LIPH: variants seen among roughly 807,000 people sequenced by gnomAD.
The protein encoded by LIPH is lipase H, also known as lipase member H.
In LIPH, 32 loss-of-function variants were observed where a neutral mutation model predicts 47.6. That is an observed-to-expected ratio of 0.67 (90% confidence interval 0.51 to 0.90). The LOEUF (loss-of-function observed/expected upper bound fraction) is 0.90. Ranked by LOEUF, LIPH falls within the 40% of genes least tolerant of loss-of-function variation. The pLI is 0.00. For synonymous variants in LIPH, 190 were observed against 195.6 expected (o/e 0.97, Z 0.24); for missense variants, 497 against 541.4 (o/e 0.92, Z 0.81).
In LIPH at chr3:185,527,571, C is replaced by CT; in HGVS notation, c.540dup (p.Gly181ArgfsTer17). ...TGAGGTTTCCCGTTGAATAAAGGGC[C>CT]TGCAGGGTCGAGGCCTGGAAGGAAA... On this transcript the variant is annotated frameshift_variant, in exon 4 of 10. Transcript: ENST00000296252. 1 of 1,611,424 alleles carries CT rather than the reference C, an allele frequency of 6.2e-7. No homozygotes were observed. The highest frequency in any genetic ancestry group is 8.5e-7 in the Non-Finnish European group (1 of 1,178,898).
rs1193776855 is a variant in LIPH, at chr3:185,529,947, AAAGAAAGAAAGAAAGAAG to A, written c.527-2380_527-2363del. 3.6e-3 allele frequency among the ~76,000 whole-genome samples: 198 copies of A among 54,488 alleles called. 2 individuals are homozygous for A. The highest frequency in any genetic ancestry group is 8.9e-3 in the African/African-American group (181 of 20,356). 35.7% of individuals were successfully genotyped at this position (54,488 alleles called of 152,430 possible). On this transcript the variant is annotated intron_variant, in intron 3 of 9. Transcript: ENST00000296252. ...GAAAGAAAGAAAGAAAGAAAGAAAG[AAAGAAAGAAAGAAAGAAG>A]GAAAGAAAGAAAGAGAGAGAGAGAG...
intron 1 of LIPH, 67 bp from the exon 2 acceptor site, chr3:185,535,199 G>C (rs1194115304): frequency 1.9e-6 from 3 of 1,567,538 alleles, no homozygotes; most frequent in Non-Finnish European, 2.6e-6. Flanking sequence ...CAAGAGTGCT[G>C]TTCTATATTT....
chr3:185,515,223 C>G (rs1279936026), intron 7 of LIPH, among the ~76,000 whole-genome samples: 2 of 151,450 alleles, frequency 1.3e-5, no homozygotes, highest in African/African-American at 2.4e-5. Flanking sequence ...ATTCCCTAAC[C>G]AGCAGACTCA....
chr3:185,537,756 T>C (rs1720547517), intron 1 of LIPH, among the ~76,000 whole-genome samples: 1 of 152,146 alleles, frequency 6.6e-6, no homozygotes, highest in Non-Finnish European at 1.5e-5. Context: ...AATGAGATCA[T>C]ACTTGAGAAG....
At chr3:185,510,106 C>A (rs1049327951) in intron 9 of LIPH, among the ~76,000 whole-genome samples, 3 of 152,014 alleles carry the variant, frequency 2.0e-5, no homozygotes, top group African/African-American at 7.2e-5. Context: ...ACCACCACTG[C>A]CCAGCTAATT....
chr3:185,529,976 A>AAG (rs762824845), intron 3 of LIPH, among the ~76,000 whole-genome samples: 5,088 of 104,616 alleles, frequency 0.049, 215 homozygotes, highest in Middle Eastern at 0.1. Context: ...GAAAGAAAGA[A>AAG]AGAGAGAGAG....
chr3:185,523,456 G>A (rs1174045954), intron 5 of LIPH, among the ~76,000 whole-genome samples: 1 of 152,076 alleles, frequency 6.6e-6, no homozygotes, highest in Non-Finnish European at 1.5e-5. Flanking sequence ...CTAGGTTAGA[G>A]TGCAGTGGCA....
intron 1 of LIPH, among the ~76,000 whole-genome samples, chr3:185,538,152 C>G (rs1327665103): frequency 1.3e-5 from 2 of 152,068 alleles, no homozygotes; most frequent in Non-Finnish European, 1.5e-5. Flanking sequence ...ATGGTACTGT[C>G]CCCCGGAGAA....
chr3:185,530,595 G>A (rs1279510721), intron 3 of LIPH, among the ~76,000 whole-genome samples: 5 of 151,886 alleles, frequency 3.3e-5, no homozygotes, highest in Admixed American at 2.6e-4. Flanking sequence ...GCTTGAATCC[G>A]GGAGGCAGAG....
rs1719451830 is a variant in LIPH at position 185,508,514 on chromosome 3, C to CAGCAGAATTGACA, written c.*275_*276insTGTCAATTCTGCT. The CAGCAGAATTGACA allele has an allele frequency of 2.3e-6, 1 of 437,110 alleles. No individual in the cohort carries two copies. The highest frequency in any genetic ancestry group is 2.0e-5 in the African/African-American group (1 of 50,288). 27.1% of individuals were successfully genotyped at this position (437,110 alleles called of 1,614,324 possible). ...GTGACAGGCAGCAGAATTGACAGGT[C>CAGCAGAATTGACA]GGAACAAGGGAGGCCCCAGGACACA... On this transcript the variant is annotated 3_prime_UTR_variant, in exon 10 of 10. Transcript: ENST00000296252.
chr3:185,514,523 T>C lies in LIPH; in HGVS notation c.983-2A>G. On this transcript the variant is annotated splice_acceptor_variant, in intron 7 of 9. Transcript: ENST00000296252. LOFTEE classifies it high-confidence loss of function. ...TAATATCCACAAAGTAATGATACAC[T>C]GCAAAACAGAGAGAGAACACGGTAA... 9.4e-7 allele frequency: 1 copy of C among 1,064,896 alleles called. No homozygotes were observed. 66.0% of individuals were successfully genotyped at this position (1,064,896 alleles called of 1,614,324 possible).
intron 3 of LIPH, among the ~76,000 whole-genome samples, chr3:185,529,976 A>AAGAAAGAGAG (rs796155621): frequency 3.8e-5 from 4 of 104,986 alleles, no homozygotes; most frequent in South Asian, 2.9e-4. Context: ...GAAAGAAAGA[A>AAGAAAGAGAG]AGAGAGAGAG....
intron 3 of LIPH, among the ~76,000 whole-genome samples, chr3:185,529,936 A>AGAAAGAG (rs1560165135): frequency 5.5e-4 from 28 of 50,460 alleles, no homozygotes; most frequent in African/African-American, 1.4e-3. Context: ...GAAAGAAAGA[A>AGAAAGAG]AGAAAGAAAG....
chr3:185,519,224 A>G lies in LIPH; in HGVS notation c.804T>C (p.Tyr268=), dbSNP rs1719824707. Residue 268 remains tyrosine, a synonymous_variant, in exon 6 of 10, where the codon TAT becomes TAC. Transcript: ENST00000296252. The stretch of plus-strand genomic sequence containing the variant: ...TATAATCCTGGTAGGAGTCACAGGG[A>G]TACGCAGTGATGGTGCAGCTCTCTC... ...SLRESCTITA[Y]PCDSYQDYRN... is the part of the protein sequence containing the mutation. 2.5e-6 allele frequency: 4 copies of G among 1,610,952 alleles called. No individual in the cohort carries two copies. Among genetic ancestry groups the G allele is most frequent in the Non-Finnish European group, 2.5e-6 (3 of 1,177,220 alleles).
intron 3 of LIPH, among the ~76,000 whole-genome samples, chr3:185,530,533 G>A (rs1012903004): frequency 6.6e-5 from 10 of 151,520 alleles, no homozygotes; most frequent in Non-Finnish European, 1.0e-4. Flanking sequence ...AGCTGGGTGC[G>A]GTAGCAGGAG....
At chr3:185,515,313 A>G (rs1719696412) in intron 7 of LIPH, among the ~76,000 whole-genome samples, 1 of 152,100 alleles carries the variant, frequency 6.6e-6, no homozygotes, top group South Asian at 2.1e-4. Context: ...TTTTTAAAAA[A>G]AAAAAAGATA....
chr3:185,508,924 G>T, intron 9 of LIPH, 47 bp from the exon 10 acceptor site: 1 of 1,094,896 alleles, frequency 9.1e-7, no homozygotes, highest in Non-Finnish European at 1.4e-6. Context: ...TTATAAAAAT[G>T]CAATGGTCTA....
At chr3:185,542,612 C>T (rs1268492895) in intron 1 of LIPH, among the ~76,000 whole-genome samples, 1 of 152,194 alleles carries the variant, frequency 6.6e-6, no homozygotes, top group Non-Finnish European at 1.5e-5. Flanking sequence ...CCACCACACC[C>T]AGCCACTTCC....
At chr3:185,542,199 A>G (rs923551761) in intron 1 of LIPH, among the ~76,000 whole-genome samples, 13 of 152,210 alleles carry the variant, frequency 8.5e-5, no homozygotes, top group African/African-American at 2.9e-4. Context: ...GAGGTCAGAG[A>G]GAGCAACACT....
Sources: allele counts gnomAD v4.1 joint callset (sites outside exome capture counted in the v4.1 genomes callset), GRCh38; gene constraint gnomAD v4.1.1; transcripts MANE v1.5; gene names NCBI Gene and HGNC (gene_info 2026-07-23, HGNC 2026-07-21).